The following KIRREL1 variants were observed in gnomAD, a reference collection of about 807,000 sequenced individuals.
KIRREL1 encodes the protein kin of IRRE-like protein 1.
KIRREL1 carries 25 observed loss-of-function variants against 83.3 expected under a neutral mutation model. The observed-to-expected ratio is 0.30, with a 90% confidence interval of 0.22 to 0.42. The LOEUF is 0.42. Among genes scored for constraint, KIRREL1 ranks in the 10% least tolerant of loss-of-function variants. The pLI is 1.00. For synonymous variants in KIRREL1, 388 were observed against 410.4 expected (o/e 0.95, Z 0.66); for missense variants, 812 against 1,032.3 (o/e 0.79, Z 2.92).
intron 1 of KIRREL1, among the ~76,000 whole-genome samples, chr1:157,994,967 C>G (rs927350774): frequency 1.3e-5 from 2 of 152,218 alleles, no homozygotes; most frequent in South Asian, 4.1e-4. Flanking sequence ...GACACACGCT[C>G]TCACAGAAAC....
At chr1:158,021,629 T>C (rs559349908) in intron 1 of KIRREL1, among the ~76,000 whole-genome samples, 8 of 152,344 alleles carry the variant, frequency 5.3e-5, no homozygotes, top group African/African-American at 1.9e-4. Context: ...GACTTTTGAC[T>C]GAATACTATT....
intron 1 of KIRREL1, among the ~76,000 whole-genome samples, chr1:158,060,737 G>C (rs1374721466): frequency 6.6e-6 from 1 of 152,206 alleles, no homozygotes; most frequent in Non-Finnish European, 1.5e-5. Flanking sequence ...TGTAGGAAGA[G>C]TCATTTCCAT....
intron 1 of KIRREL1, among the ~76,000 whole-genome samples, chr1:158,032,698 C>T (rs1204429589): frequency 6.6e-6 from 1 of 152,186 alleles, no homozygotes; most frequent in African/African-American, 2.4e-5. Flanking sequence ...CACCTCCCAC[C>T]TTTCACTGCT....
chr1:158,074,665 A>G (rs1661617525), intron 1 of KIRREL1, among the ~76,000 whole-genome samples: 1 of 152,192 alleles, frequency 6.6e-6, no homozygotes, highest in South Asian at 2.1e-4. Flanking sequence ...GAATTGGGCT[A>G]GGAGGGCTTC....
Position 158,086,668 on chromosome 1 carries a change from G to A in KIRREL1, c.583G>A (p.Gly195Arg). The change falls in exon 5 of 15, where the codon GGG becomes AGG. Residue 195 changes from glycine (G) to arginine (R), a missense_variant. By Grantham distance (125) the Gly-to-Arg change is moderately radical (BLOSUM62 -2). This residue lies in a region of KIRREL1 where 472 missense variants were observed against 626.8 expected (regional missense o/e 0.75). Coordinates refer to ENST00000359209, the MANE Select transcript of KIRREL1 (RefSeq NM_018240.7). ...LLINPTDLDI[G>R]RVFTCRSMNE... ...TATTAACCCCACGGACCTGGACATA[G>A]GGCGTGTCTTCACTTGCCGAAGCAT... is the stretch of plus-strand genomic sequence containing the variant. 6.4e-7 allele frequency: 1 copy of A among 1,551,940 alleles called. No homozygotes were observed. Among genetic ancestry groups the A allele is most frequent in the Non-Finnish European group, 8.7e-7 (1 of 1,147,046 alleles).
rs149452642 is a variant in KIRREL1, at chr1:158,030,357, C to T, written c.52+36629C>T. Among the ~76,000 whole-genome samples the T allele has an allele frequency of 2.9e-3, 440 of 152,330 alleles. 5 individuals carry two copies. Among genetic ancestry groups the T allele is most frequent in the African/African-American group, 0.01 (422 of 41,562 alleles). ...CTTGCATATATTTTAGATGGTTTCT[C>T]AAACACTAGAATTTCAAAAGTCTAA... On this transcript the variant is annotated intron_variant, in intron 1 of 14. Transcript: ENST00000359209.
intron 1 of KIRREL1, among the ~76,000 whole-genome samples, chr1:158,052,704 T>C (rs1660942613): frequency 6.6e-6 from 1 of 151,726 alleles, no homozygotes; most frequent in African/African-American, 2.4e-5. Flanking sequence ...GAGAATGGCA[T>C]GAACCCGGGA....
chr1:158,003,091 A>ATTG (rs1351973100), intron 1 of KIRREL1, among the ~76,000 whole-genome samples: 2 of 151,434 alleles, frequency 1.3e-5, no homozygotes. Context: ...TATTATTATT[A>ATTG]TTTTTCCTCC....
intron 1 of KIRREL1, among the ~76,000 whole-genome samples, chr1:158,010,451 AC>A (rs1659652250): frequency 6.7e-6 from 1 of 148,844 alleles, no homozygotes; most frequent in Non-Finnish European, 1.5e-5. Flanking sequence ...ACACACACAC[AC>A]ACACACACTG....
chr1:158,029,927 A>G (rs541014931), intron 1 of KIRREL1, among the ~76,000 whole-genome samples: 1 of 152,352 alleles, frequency 6.6e-6, no homozygotes, highest in South Asian at 2.1e-4. Context: ...TAATGTACGT[A>G]GTACAAAATA....
intron 1 of KIRREL1, among the ~76,000 whole-genome samples, chr1:158,040,476 A>G (rs1488975851): frequency 6.6e-6 from 1 of 152,262 alleles, no homozygotes; most frequent in East Asian, 1.9e-4. Flanking sequence ...GATAACATCT[A>G]TCTTCCAAGA....
intron 1 of KIRREL1, among the ~76,000 whole-genome samples, chr1:158,006,527 C>A (rs552497344): frequency 6.6e-6 from 1 of 152,322 alleles, no homozygotes; most frequent in African/African-American, 2.4e-5. Context: ...CTGGGCCCCG[C>A]GTGAGCCCAA....
At chr1:158,071,182 C>T (rs1275606989) in intron 1 of KIRREL1, among the ~76,000 whole-genome samples, 2 of 152,158 alleles carry the variant, frequency 1.3e-5, no homozygotes, top group African/African-American at 2.4e-5. Context: ...TCTGTCGGCC[C>T]GGCCTGCGTC....
intron 1 of KIRREL1, among the ~76,000 whole-genome samples, chr1:158,074,695 A>G (rs1661618587): frequency 6.6e-6 from 1 of 152,168 alleles, no homozygotes. Context: ...GGACATGTAG[A>G]GCAGGTTTGA....
At chr1:158,018,235 G>A (rs2101648465) in intron 1 of KIRREL1, among the ~76,000 whole-genome samples, 1 of 152,310 alleles carries the variant, frequency 6.6e-6, no homozygotes, top group South Asian at 2.1e-4. Flanking sequence ...TAGGGTGACT[G>A]CAAAGAAGCC....
At chr1:158,084,675 G>T (rs1661969143) in intron 4 of KIRREL1, 96 bp downstream of exon 4, 1 of 1,303,030 alleles carries the variant, frequency 7.7e-7, no homozygotes, top group Admixed American at 2.3e-5. Flanking sequence ...GGAGCACACA[G>T]ACATGAGAGG....
chr1:158,011,456 G>A (rs1360807361), intron 1 of KIRREL1, among the ~76,000 whole-genome samples: 2 of 152,202 alleles, frequency 1.3e-5, no homozygotes, highest in Non-Finnish European at 2.9e-5. Flanking sequence ...CCGGAAGCTG[G>A]GAGAAGCCTA....
intron 1 of KIRREL1, among the ~76,000 whole-genome samples, chr1:158,037,449 C>A (rs559792315): frequency 6.9e-6 from 1 of 144,474 alleles, no homozygotes; most frequent in Non-Finnish European, 1.5e-5. Flanking sequence ...GCTGAGATTG[C>A]GCCACTGCAC....
rs564720436 is a variant in KIRREL1 at position 158,092,256 on chromosome 1, T to G, written c.1471+700T>G. 3.1e-4 allele frequency among the ~76,000 whole-genome samples: 47 copies of G among 152,326 alleles called. 1 individual carries two copies. In the South Asian group the frequency reaches 4.1e-3, roughly 13 times the overall value. On this transcript the variant is annotated intron_variant, in intron 11 of 14. Transcript: ENST00000359209. ...TCCAAGGAGGAAAAGATAGCATTTTTTTGTTGTTGTTTTATTTTTTGAGAA... is the reference window on the plus strand; with the variant it reads ...TCCAAGGAGGAAAAGATAGCATTTTGTTGTTGTTGTTTTATTTTTTGAGAA...
Sources: allele counts gnomAD v4.1 joint callset (sites outside exome capture counted in the v4.1 genomes callset), GRCh38; gene constraint gnomAD v4.1.1; regional missense constraint gnomAD v4.1.1; transcripts MANE v1.5; gene names NCBI Gene and HGNC (gene_info 2026-07-23, HGNC 2026-07-21).